The following RNF138 variants were observed in gnomAD, a reference collection of about 807,000 sequenced individuals.
RNF138 encodes ring finger protein 138, also known as E3 ubiquitin-protein ligase RNF138.
A neutral mutation model predicts 31.0 loss-of-function variants in RNF138; 12 were observed. The ratio of observed to expected loss-of-function variants is 0.39; its 90% CI spans 0.25 to 0.63. RNF138 has a LOEUF of 0.63. Ranked by LOEUF, RNF138 falls within the 20% of genes least tolerant of loss-of-function variation. The pLI, the probability that RNF138 is intolerant of heterozygous loss-of-function variation, is 0.52. For synonymous variants in RNF138, 105 were observed against 99.5 expected (o/e 1.06, Z -0.33); for missense variants, 192 against 300.1 (o/e 0.64, Z 2.66).
chr18:32,092,584 G>C, intron 1 of RNF138, 116 bp from the exon 2 acceptor site: 2 of 576,642 alleles, frequency 3.5e-6, no homozygotes, highest in Non-Finnish European at 6.2e-6. Flanking sequence ...CCTCTTGCCC[G>C]GCGCGTGCGG....
In RNF138 at chr18:32,129,357, A is replaced by ATAAGTTAAAAAATGAAAGTTAT. The variant is rs1212677686; in HGVS notation, c.*171_*192dup. On this transcript the variant is annotated 3_prime_UTR_variant, in exon 8 of 8. Coordinates refer to ENST00000261593, the MANE Select transcript of RNF138 (RefSeq NM_016271.5). ...GGCTTCTAAAAACTTCATCATCTTG[A>ATAAGTTAAAAAATGAAAGTTAT]TAAGTTAAAAAATGAAAGTTATGAC... The ATAAGTTAAAAAATGAAAGTTAT allele has an allele frequency of 1.9e-6, 1 of 521,236 alleles. No homozygotes were observed. The highest frequency in any genetic ancestry group is 1.9e-5 in the African/African-American group (1 of 53,016). The allele number at this position is 521,236 out of a possible 1,614,324, so 32.3% of individuals were successfully genotyped here.
rs950352749 is a variant in RNF138, at chr18:32,131,436, TCCAATA to T, written c.*2252_*2257del. On this transcript the variant is annotated 3_prime_UTR_variant, in exon 8 of 8. Coordinates refer to ENST00000261593, the MANE Select transcript of RNF138 (RefSeq NM_016271.5). ...TTAAAGGAGGGAATTGTATTGATACTCCAATACCTAAATTTCACAATACCACTTAGG... is the reference window on the plus strand; with the variant it reads ...TTAAAGGAGGGAATTGTATTGATACTCCTAAATTTCACAATACCACTTAGG... 2 of 152,184 alleles carry T rather than the reference TCCAATA, an allele frequency of 1.3e-5. No individual in the cohort carries two copies. The highest frequency in any genetic ancestry group is 2.9e-5 in the Non-Finnish European group (2 of 67,992). The allele number at this position is 152,184 out of a possible 1,614,324, so 9.4% of individuals were successfully genotyped here. A position where few individuals can be genotyped will look rare whatever the true frequency, so the allele number is the denominator to read the frequency against.
chr18:32,103,085 A>G (rs1345456775), intron 2 of RNF138, among the ~76,000 whole-genome samples: 2 of 152,192 alleles, frequency 1.3e-5, no homozygotes, highest in Non-Finnish European at 2.9e-5. Flanking sequence ...TGCATTTATT[A>G]GTTGTGTGCC....
At chr18:32,106,505 T>G (rs2040029871) in intron 2 of RNF138, among the ~76,000 whole-genome samples, 1 of 152,120 alleles carries the variant, frequency 6.6e-6, no homozygotes, top group Non-Finnish European at 1.5e-5. Context: ...TTTTACTTCC[T>G]CTCTGGAAGA....
chr18:32,118,389 C>T (rs2040250137), intron 4 of RNF138, among the ~76,000 whole-genome samples: 1 of 151,444 alleles, frequency 6.6e-6, no homozygotes, highest in Admixed American at 6.6e-5. Flanking sequence ...CAAAAATTAG[C>T]CAGGCGTGGT....
chr18:32,097,258 A>T (rs1222637049), intron 2 of RNF138, among the ~76,000 whole-genome samples: 2 of 152,216 alleles, frequency 1.3e-5, no homozygotes, highest in East Asian at 3.8e-4. Context: ...CTACTATTGC[A>T]ATAAAAATTA....
chr18:32,108,264 A>G (rs2040069845), intron 2 of RNF138, among the ~76,000 whole-genome samples: 1 of 152,120 alleles, frequency 6.6e-6, no homozygotes, highest in African/African-American at 2.4e-5. Context: ...GCAACCATTC[A>G]ACACCTATGT....
intron 4 of RNF138, among the ~76,000 whole-genome samples, chr18:32,121,043 G>A (rs912637409): frequency 2.0e-5 from 3 of 151,844 alleles, no homozygotes; most frequent in African/African-American, 4.8e-5. Context: ...GCTGAGGCAC[G>A]AGAATCACTT....
chr18:32,104,015 T>A, intron 2 of RNF138, among the ~76,000 whole-genome samples: 1 of 135,282 alleles, frequency 7.4e-6, no homozygotes, highest in South Asian at 2.1e-4. Context: ...CTAAAAAACT[T>A]TTTTTTTTTT....
At chr18:32,129,069 A>G (rs376517746) in intron 7 of RNF138, 50 bp from the exon 8 acceptor site, 3 of 1,234,148 alleles carry the variant, frequency 2.4e-6, no homozygotes, top group African/African-American at 1.5e-5. Context: ...GCAAAGTATT[A>G]GAGTAGTTGA....
At chr18:32,098,358 A>G (rs916027406) in intron 2 of RNF138, among the ~76,000 whole-genome samples, 1 of 152,078 alleles carries the variant, frequency 6.6e-6, no homozygotes, top group Non-Finnish European at 1.5e-5. Context: ...TTTGTTGCTC[A>G]GGCTGGTCTC....
Position 32,130,159 on chromosome 18 carries a change from A to AT in RNF138, c.*978dup, listed in dbSNP as rs943501147. 21 of 152,444 alleles carry AT rather than the reference A, an allele frequency of 1.4e-4. No individual in the cohort carries two copies. Among genetic ancestry groups the AT allele is most frequent in the African/African-American group, 4.8e-4 (20 of 41,528 alleles). 9.4% of individuals were successfully genotyped at this position (152,444 alleles called of 1,614,324 possible). A position where few individuals can be genotyped will look rare whatever the true frequency, so the allele number is the denominator to read the frequency against. On this transcript the variant is annotated 3_prime_UTR_variant, in exon 8 of 8. Coordinates refer to ENST00000261593, the MANE Select transcript of RNF138 (RefSeq NM_016271.5). ...GTTATATATAGAATTTCTATTAAGGATTTTTTAAATGGACAAGCAATAGGG... is the reference window on the plus strand; with the variant it reads ...GTTATATATAGAATTTCTATTAAGGATTTTTTTAAATGGACAAGCAATAGGG...
At chr18:32,127,265 A>AAG (rs2040398762) in intron 7 of RNF138, among the ~76,000 whole-genome samples, 2 of 152,196 alleles carry the variant, frequency 1.3e-5, no homozygotes, top group African/African-American at 4.8e-5. Flanking sequence ...CCAGGTTACA[A>AAG]AGAGACTAAG....
At chr18:32,117,207 A>T (rs1237725223) in intron 4 of RNF138, among the ~76,000 whole-genome samples, 3 of 147,772 alleles carry the variant, frequency 2.0e-5, no homozygotes, top group Admixed American at 6.8e-5. Context: ...CCAGCCAGAA[A>T]TTTTTTTTTT....
intron 7 of RNF138, 148 bp downstream of exon 7, chr18:32,126,948 G>A (rs1377935207): frequency 1.8e-6 from 1 of 554,918 alleles, no homozygotes; most frequent in Non-Finnish European, 3.3e-6. Context: ...TAATACTGGT[G>A]AACTTTAGCT....
chr18:32,092,363 A>AAAAGGG (rs950187859), intron 1 of RNF138, 128 bp downstream of exon 1: 6 of 167,932 alleles, frequency 3.6e-5, no homozygotes, highest in African/African-American at 1.4e-4. Flanking sequence ...AAAAGCAGTG[A>AAAAGGG]AAAGGGAGGC....
intron 3 of RNF138, among the ~76,000 whole-genome samples, chr18:32,113,012 C>T (rs1049972179): frequency 2.6e-5 from 4 of 152,192 alleles, no homozygotes; most frequent in African/African-American, 9.7e-5. Flanking sequence ...CTGGAAAACA[C>T]ACTCGAGAGA....
At chr18:32,093,493 AGAGGGATCTAGAAT>A (rs2039747323) in intron 2 of RNF138, among the ~76,000 whole-genome samples, 1 of 152,148 alleles carries the variant, frequency 6.6e-6, no homozygotes, top group Non-Finnish European at 1.5e-5. Context: ...ACTATGTGTT[AGAGGGATCTAGAAT>A]GAGTTTTCTT....
chr18:32,103,393 A>G (rs546810168), intron 2 of RNF138, among the ~76,000 whole-genome samples: 3 of 151,278 alleles, frequency 2.0e-5, no homozygotes, highest in Admixed American at 6.6e-5. Context: ...AAATCTCACT[A>G]TGTTGCCCAG....
Sources: gnomAD v4.1 joint callset for allele counts (sites outside exome capture counted in the v4.1 genomes callset) on GRCh38, gnomAD v4.1.1 for gene constraint, MANE v1.5 for transcripts, NCBI Gene and HGNC (gene_info 2026-07-23, HGNC 2026-07-21) for gene names.